UPRT: variants seen among roughly 807,000 people sequenced by gnomAD.
UPRT encodes the protein RP11-311P8.3.
UPRT carries 5 observed loss-of-function variants against 22.6 expected under a neutral mutation model. The observed-to-expected ratio is 0.22, with a 90% CI of 0.12 to 0.47. The LOEUF (loss-of-function observed/expected upper bound fraction) is 0.47. Among genes scored for constraint, UPRT ranks in the 20% least tolerant of loss-of-function variants. UPRT has a pLI of 0.99. For missense variants in UPRT, 181 were observed against 239.9 expected, an observed-to-expected ratio of 0.75 and a Z score of 1.62; for synonymous variants, 77 against 87.7, an observed-to-expected ratio of 0.88 and a Z score of 0.68.
intron 3 of UPRT, among the ~76,000 whole-genome samples, chrX:75,297,275 C>T (rs751153709): frequency 8.9e-6 from 1 of 111,895 alleles, no homozygotes; most frequent in East Asian, 2.8e-4. Context: ...AAGTCTGCCT[C>T]TCCCAATTAT....
At chrX:75,248,619 A>C (rs1458658562) in intron 4 of UPRT, among the ~76,000 whole-genome samples, 1 of 112,092 alleles carries the variant, frequency 8.9e-6, no homozygotes, top group African/African-American at 3.2e-5. Flanking sequence ...AATGGAACCA[A>C]GTTGGAAAAC....
At chrX:75,297,614 C>T (rs1424527650) in intron 4 of UPRT, 61 bp downstream of exon 4, 2 of 1,131,793 alleles carry the variant, frequency 1.8e-6, no homozygotes, top group East Asian at 3.0e-5. Flanking sequence ...TGCTGTTTTC[C>T]AGAAGAGAGG....
chrX:75,164,750 A>G (rs1163641543), intron 3 of UPRT, among the ~76,000 whole-genome samples: 2 of 111,659 alleles, frequency 1.8e-5, no homozygotes, highest in Non-Finnish European at 3.8e-5. Context: ...TTTATAGGTG[A>G]ATTATATAGT....
intron 4 of UPRT, among the ~76,000 whole-genome samples, chrX:75,170,594 T>C (rs2082224581): frequency 8.9e-6 from 1 of 111,954 alleles, no homozygotes; most frequent in South Asian, 3.7e-4. Flanking sequence ...GTATTGAGAT[T>C]TGAGATACTA....
chrX:75,249,167 C>A (rs970490843), intron 4 of UPRT, among the ~76,000 whole-genome samples: 1 of 111,362 alleles, frequency 9.0e-6, no homozygotes, highest in Non-Finnish European at 1.9e-5. Context: ...GCAAAATAAC[C>A]AGCTAACATC....
intron 1 of UPRT, among the ~76,000 whole-genome samples, chrX:75,287,634 A>G (rs1335190767): frequency 9.0e-6 from 1 of 111,605 alleles, no homozygotes; most frequent in Admixed American, 9.6e-5. Context: ...ATTCTTTGAA[A>G]TAAAACAGAG....
At chrX:75,244,415 A>G (rs1326508392) in intron 4 of UPRT, among the ~76,000 whole-genome samples, 1 of 112,282 alleles carries the variant, frequency 8.9e-6, no homozygotes, top group Non-Finnish European at 1.9e-5. Flanking sequence ...AGAAGAAACT[A>G]TTTTAAGTTT....
chrX:75,230,569 A>G lies in UPRT; in HGVS notation c.-446-60455A>G, dbSNP rs779044641. Among the ~76,000 whole-genome samples, 9 of 111,946 alleles carry G rather than the reference A, an allele frequency of 8.0e-5. No individual in the cohort carries two copies. In the South Asian group the frequency reaches 3.4e-3, roughly 42 times the overall value. On this transcript the variant is annotated intron_variant, in intron 4 of 13. Transcript: ENST00000652605. The stretch of plus-strand genomic sequence containing the variant: ...GGAGAAAACAACAGCTCTTTTTACC[A>G]CTTGCAACACCCTGGCTAGTCAGAG...
intron 4 of UPRT, among the ~76,000 whole-genome samples, chrX:75,191,843 C>T (rs1292941399): frequency 9.0e-6 from 1 of 111,517 alleles, no homozygotes; most frequent in African/African-American, 3.3e-5. Flanking sequence ...ACCCTATTTT[C>T]CAGGTGCTGT....
chrX:75,218,395 C>T (rs1213517595), intron 4 of UPRT, among the ~76,000 whole-genome samples: 1 of 106,784 alleles, frequency 9.4e-6, no homozygotes, highest in Non-Finnish European at 1.9e-5. Context: ...ACAACAGGTG[C>T]TGGAGAGGAT....
chrX:75,182,496 C>G (rs1341795973), intron 4 of UPRT, among the ~76,000 whole-genome samples: 1 of 111,049 alleles, frequency 9.0e-6, no homozygotes, highest in Non-Finnish European at 1.9e-5. Context: ...TAGGCTGTTT[C>G]TGGTTTATAG....
At chrX:75,181,231 G>T (rs1602441211) in intron 4 of UPRT, among the ~76,000 whole-genome samples, 1 of 111,267 alleles carries the variant, frequency 9.0e-6, no homozygotes, top group East Asian at 2.8e-4. Flanking sequence ...TTTATTACCA[G>T]TGCCATGTTG....
At chrX:75,188,355 C>G (rs1396315212) in intron 4 of UPRT, among the ~76,000 whole-genome samples, 1 of 111,693 alleles carries the variant, frequency 9.0e-6, no homozygotes, top group Non-Finnish European at 1.9e-5. Flanking sequence ...GGTCAGGGAC[C>G]CACCTGAGGA....
intron 4 of UPRT, among the ~76,000 whole-genome samples, chrX:75,255,499 T>C (rs1433532731): frequency 9.0e-6 from 1 of 111,675 alleles, no homozygotes; most frequent in Non-Finnish European, 1.9e-5. Context: ...AAAGGAATGC[T>C]ACCCCACATC....
chrX:75,159,770 A>ATTTTTTT (rs35651743), intron 1 of UPRT, among the ~76,000 whole-genome samples: 3 of 46,321 alleles, frequency 6.5e-5, no homozygotes, highest in African/African-American at 5.9e-5. Context: ...CTTGCCTTAA[A>ATTTTTTT]TTTTTTTTTT....
At chrX:75,272,285 TAC>T (rs1183895589), upstream of UPRT, among the ~76,000 whole-genome samples, 565 of 94,620 alleles carry the variant, frequency 6.0e-3, 6 homozygotes, top group African/African-American at 0.022. Context: ...TATATATATA[TAC>T]ACATATATAT....
intron 4 of UPRT, among the ~76,000 whole-genome samples, chrX:75,264,201 G>T (rs373330373): frequency 0.018 from 1,991 of 111,585 alleles, 47 homozygotes; most frequent in African/African-American, 0.061. Flanking sequence ...TATATTCTGT[G>T]GATTTGGGGT....
At chrX:75,192,360 G>A (rs1235361209) in intron 4 of UPRT, among the ~76,000 whole-genome samples, 3 of 109,859 alleles carry the variant, frequency 2.7e-5, no homozygotes, top group Admixed American at 9.7e-5. Context: ...TTAATTTGCT[G>A]AGGATTGTTT....
At chrX:75,242,781 G>A (rs912738270) in intron 4 of UPRT, among the ~76,000 whole-genome samples, 1 of 111,230 alleles carries the variant, frequency 9.0e-6, no homozygotes, top group Admixed American at 9.6e-5. Context: ...TCCTTATGAT[G>A]TGACTTCAAA....
Sources: gnomAD v4.1 joint callset for allele counts (sites outside exome capture counted in the v4.1 genomes callset) on GRCh38, gnomAD v4.1.1 for gene constraint, MANE v1.5 for transcripts, NCBI Gene and HGNC (gene_info 2026-07-23, HGNC 2026-07-21) for gene names.